PTPN4: variants seen among roughly 807,000 people sequenced by gnomAD.
The protein encoded by PTPN4 is protein tyrosine phosphatase non-receptor type 4, also known as tyrosine-protein phosphatase non-receptor type 4.
In PTPN4, 49 loss-of-function variants were observed where a neutral mutation model predicts 135.5. The ratio of observed to expected loss-of-function variants is 0.36; its 90% CI spans 0.29 to 0.46. The LOEUF is 0.46. Ranked by LOEUF, PTPN4 falls within the 20% of genes least tolerant of loss-of-function variation. PTPN4 has a pLI of 1.00. For synonymous variants in PTPN4, 333 were observed against 369.9 expected (o/e 0.90, Z 1.14); for missense variants, 860 against 1,101.0 (o/e 0.78, Z 3.10).
intron 3 of PTPN4, among the ~76,000 whole-genome samples, chr2:119,869,127 G>A (rs1385480534): frequency 6.6e-6 from 1 of 152,080 alleles, no homozygotes; most frequent in African/African-American, 2.4e-5. Flanking sequence ...AAAAGTAACT[G>A]CTGTGTATCT....
chr2:119,981,921 A>G lies in PTPN4; in HGVS notation c.*4851A>G, dbSNP rs1679702455. On this transcript the variant is annotated 3_prime_UTR_variant, in exon 27 of 27. Transcript: ENST00000263708. ...GCTATTGATTTCTGAAGTTATAATC[A>G]TAATTTTTATTTTAGTAATCCAAGC... 6.6e-6 allele frequency: 1 copy of G among 152,148 alleles called. No homozygotes were observed. The highest frequency in any genetic ancestry group is 2.4e-5 in the African/African-American group (1 of 41,454). The allele number at this position is 152,148 out of a possible 1,614,324, so 9.4% of individuals were successfully genotyped here.
At chr2:119,868,338 C>T (rs1156345559) in intron 3 of PTPN4, among the ~76,000 whole-genome samples, 1 of 152,072 alleles carries the variant, frequency 6.6e-6, no homozygotes, top group East Asian at 1.9e-4. Context: ...CAAATGTTGA[C>T]AAGGATGTGG....
intron 2 of PTPN4, among the ~76,000 whole-genome samples, chr2:119,842,646 C>T (rs535839856): frequency 6.6e-6 from 1 of 151,998 alleles, no homozygotes; most frequent in African/African-American, 2.4e-5. Context: ...TGTTTTGTTT[C>T]GTTTTTTTCT....
intron 19 of PTPN4, among the ~76,000 whole-genome samples, chr2:119,952,827 A>G (rs1679228329): frequency 6.6e-6 from 1 of 152,168 alleles, no homozygotes; most frequent in Admixed American, 6.5e-5. Flanking sequence ...TTCCTCCACA[A>G]CAACCTCAAG....
At chr2:119,805,634 G>T (rs527768585) in intron 1 of PTPN4, among the ~76,000 whole-genome samples, 5 of 152,100 alleles carry the variant, frequency 3.3e-5, no homozygotes, top group African/African-American at 4.8e-5. Context: ...TGTTCCATTG[G>T]TCTATCTCTC....
At chr2:119,760,622 T>C (rs1031895245) in intron 1 of PTPN4, among the ~76,000 whole-genome samples, 1 of 151,860 alleles carries the variant, frequency 6.6e-6, no homozygotes, top group African/African-American at 2.4e-5. Flanking sequence ...ATCTCTGTTA[T>C]GGGTCAGCGA....
intron 26 of PTPN4, among the ~76,000 whole-genome samples, chr2:119,975,636 ACT>A (rs1393781034): frequency 6.6e-6 from 1 of 151,904 alleles, no homozygotes; most frequent in African/African-American, 2.4e-5. Flanking sequence ...GAGGCAGGAG[ACT>A]CTCTTGAACC....
chr2:119,857,515 C>A (rs1027835916), intron 2 of PTPN4, among the ~76,000 whole-genome samples: 1 of 149,604 alleles, frequency 6.7e-6, no homozygotes, highest in Admixed American at 6.7e-5. Flanking sequence ...GCCTGGGTGA[C>A]AGAGTGAGAC....
At chr2:119,899,797 A>G (rs1678377953) in intron 9 of PTPN4, among the ~76,000 whole-genome samples, 1 of 152,176 alleles carries the variant, frequency 6.6e-6, no homozygotes, top group South Asian at 2.1e-4. Flanking sequence ...ATGCAAATTA[A>G]TATACACTGT....
intron 1 of PTPN4, among the ~76,000 whole-genome samples, chr2:119,808,712 C>T (rs1446031916): frequency 6.6e-6 from 1 of 152,140 alleles, no homozygotes; most frequent in East Asian, 1.9e-4. Context: ...GCCACTTCAC[C>T]CAGCCCAATC....
intron 5 of PTPN4, among the ~76,000 whole-genome samples, chr2:119,878,464 C>G (rs1678017822): frequency 6.6e-6 from 1 of 152,084 alleles, no homozygotes; most frequent in Admixed American, 6.5e-5. Context: ...AAATCCATAC[C>G]TAAAATTACC....
At chr2:119,961,104 C>A in intron 23 of PTPN4, 151 bp downstream of exon 23, 1 of 895,056 alleles carries the variant, frequency 1.1e-6, no homozygotes, top group Non-Finnish European at 1.6e-6. Flanking sequence ...TGTTTAAGTG[C>A]ATAAAACTGT....
At chr2:119,788,493 A>G (rs1275094335) in intron 1 of PTPN4, among the ~76,000 whole-genome samples, 1 of 152,128 alleles carries the variant, frequency 6.6e-6, no homozygotes, top group Non-Finnish European at 1.5e-5. Context: ...TTAAGTGTAC[A>G]GTTCAGTAGT....
chr2:119,800,533 T>G lies in PTPN4; in HGVS notation c.-17-9304T>G, dbSNP rs571938182. ...AGATAAATGTTTTGCAGGCTTTTTT[T>G]TTTTTACAGTCTGTAAGTTTTAAAT... On this transcript the variant is annotated intron_variant, in intron 1 of 26. Coordinates refer to ENST00000263708, the MANE Select transcript of PTPN4 (RefSeq NM_002830.4). Among the ~76,000 whole-genome samples the G allele has an allele frequency of 3.2e-3, 491 of 152,122 alleles. 2 individuals are homozygous for G. Among genetic ancestry groups the G allele is most frequent in the African/African-American group, 0.011 (464 of 41,542 alleles).
intron 19 of PTPN4, among the ~76,000 whole-genome samples, chr2:119,953,648 C>T (rs1053100397): frequency 1.3e-5 from 2 of 151,906 alleles, no homozygotes; most frequent in African/African-American, 4.8e-5. Flanking sequence ...GATAATAGAT[C>T]CTAAAGAACT....
Position 119,828,078 on chromosome 2 carries a change from C to T in PTPN4, c.138+18087C>T, listed in dbSNP as rs560618241. 3.9e-5 allele frequency among the ~76,000 whole-genome samples: 6 copies of T among 152,312 alleles called. No individual in the cohort carries two copies. In the East Asian group the frequency reaches 1.2e-3, roughly 29 times the overall value. Reference sequence around the variant, plus strand: ...CAATTGGGTCTCCTTAGAACACACACTCTTGGGGACAGTCCATTTTAGACT... The same window carrying T: ...CAATTGGGTCTCCTTAGAACACACATTCTTGGGGACAGTCCATTTTAGACT... On this transcript the variant is annotated intron_variant, in intron 2 of 26. Coordinates refer to ENST00000263708, the MANE Select transcript of PTPN4 (RefSeq NM_002830.4).
At position 119,983,524 on chromosome 2, in the gene PTPN4, T is replaced by G. The variant is rs567531855; in HGVS notation, c.*6454T>G. 4 of 152,344 alleles carry G rather than the reference T, an allele frequency of 2.6e-5. No individual in the cohort carries two copies. In the East Asian group the frequency reaches 7.7e-4, roughly 29 times the overall value. 9.4% of individuals were successfully genotyped at this position (152,344 alleles called of 1,614,324 possible). The stretch of plus-strand genomic sequence containing the variant: ...CCATCTTTTAATGAGTTGGCAAGAT[T>G]AGGTCAAATTTCAATGCTAAATTTG... On this transcript the variant is annotated 3_prime_UTR_variant, in exon 27 of 27. Transcript: ENST00000263708.
chr2:119,772,349 T>A (rs1690751186), intron 1 of PTPN4, among the ~76,000 whole-genome samples: 1 of 152,238 alleles, frequency 6.6e-6, no homozygotes, highest in African/African-American at 2.4e-5. Flanking sequence ...GTTATCATAA[T>A]TGTTTATGAA....
At chr2:119,870,634 A>G (rs907866305) in intron 3 of PTPN4, among the ~76,000 whole-genome samples, 2 of 152,322 alleles carry the variant, frequency 1.3e-5, no homozygotes, top group South Asian at 2.1e-4. Context: ...ATATAAGTCA[A>G]TGGGGTAGAA....
Sources: allele counts gnomAD v4.1 joint callset (sites outside exome capture counted in the v4.1 genomes callset), GRCh38; gene constraint gnomAD v4.1.1; transcripts MANE v1.5; gene names NCBI Gene and HGNC (gene_info 2026-07-23, HGNC 2026-07-21).